Variants in MET observed in about 807,000 individuals in gnomAD.
MET encodes the protein MET proto-oncogene, receptor tyrosine kinase.
Under a neutral mutation model 133.1 loss-of-function variants are expected in MET, and 48 were observed. That is an observed-to-expected ratio of 0.36 (90% CI 0.29 to 0.46). MET has a LOEUF of 0.46. Among genes scored for constraint, MET ranks in the 20% least tolerant of loss-of-function variants. The probability of loss-of-function intolerance (pLI) is 1.00; values close to 1 mark genes in which losing one functional copy is unlikely to be tolerated. For missense variants in MET, 1,442 were observed against 1,695.9 expected (o/e 0.85, Z 2.63); for synonymous variants, 628 against 616.5 (o/e 1.02, Z -0.28).
Position 116,699,297 on chromosome 7 carries a change from T to C in MET, c.213T>C (p.Tyr71=), listed in dbSNP as rs201945798. 2 of 1,614,084 alleles carry C rather than the reference T, an allele frequency of 1.2e-6. No homozygotes were observed. The highest frequency in any genetic ancestry group is 2.2e-5 in the East Asian group (1 of 44,882). Residue 71 remains tyrosine (Y), a synonymous_variant, in exon 2 of 21, where the codon TAT becomes TAC. Coordinates refer to ENST00000397752, the MANE Select transcript of MET (RefSeq NM_000245.4). ...TCCTTGGTGCCACTAACTACATTTA[T>C]GTTTTAAATGAGGAAGACCTTCAGA... is the stretch of plus-strand genomic sequence containing the variant. ...HIFLGATNYI[Y]VLNEEDLQKV...
At chr7:116,751,337 C>T (rs879123272) in intron 5 of MET, among the ~76,000 whole-genome samples, 1 of 152,130 alleles carries the variant, frequency 6.6e-6, no homozygotes, top group Non-Finnish European at 1.5e-5. Flanking sequence ...AAACCAGACA[C>T]TGCATGTTCT....
At chr7:116,738,348 G>A (rs1288576355) in intron 3 of MET, among the ~76,000 whole-genome samples, 1 of 152,126 alleles carries the variant, frequency 6.6e-6, no homozygotes, top group Non-Finnish European at 1.5e-5. Context: ...TGTAATAGAA[G>A]CTTTAGAAGT....
intron 1 of MET, among the ~76,000 whole-genome samples, chr7:116,677,115 A>G (rs1428785637): frequency 6.6e-6 from 1 of 151,498 alleles, no homozygotes; most frequent in Non-Finnish European, 1.5e-5. Flanking sequence ...TATTTTCCAC[A>G]CTGTGAGCCT....
At position 116,694,759 on chromosome 7, in the gene MET, T is replaced by C. The variant is rs376834205; in HGVS notation, c.-14-4312T>C. 1.8e-4 allele frequency among the ~76,000 whole-genome samples: 28 copies of C among 152,318 alleles called. No homozygotes were observed. The South Asian group carries it at 5.4e-3, about 29-fold the overall frequency. On this transcript the variant is annotated intron_variant, in intron 1 of 20. Transcript: ENST00000397752. ...TGGAGTGCAGTGGCGCAATCTCAAC[T>C]CACTGCAACCTCCAATTCCCTGGTT...
Position 116,762,991 on chromosome 7 carries a change from T to C in MET, c.2365-59T>C, listed in dbSNP as rs1298094251. 5.8e-6 allele frequency: 8 copies of C among 1,373,872 alleles called. No homozygotes were observed. In the East Asian group the frequency reaches 1.6e-4, roughly 28 times the overall value. 85.1% of individuals were successfully genotyped at this position (1,373,872 alleles called of 1,614,324 possible). A position where few individuals can be genotyped will look rare whatever the true frequency, so the allele number is the denominator to read the frequency against. On this transcript the variant is annotated intron_variant, in intron 10 of 20. Coordinates refer to ENST00000397752, the MANE Select transcript of MET (RefSeq NM_000245.4). The stretch of plus-strand genomic sequence containing the variant: ...TGATTGGGGTGGTAAATTATAAAGT[T>C]GCTATGGATGTTGCCAAGCTGTATT...
intron 1 of MET, among the ~76,000 whole-genome samples, chr7:116,693,719 C>A (rs949885756): frequency 2.6e-5 from 4 of 152,206 alleles, no homozygotes; most frequent in Non-Finnish European, 4.4e-5. Flanking sequence ...CACTACTGGC[C>A]TGAGATCTCA....
In MET at chr7:116,706,535, T is replaced by G. The variant is rs141687946; in HGVS notation, c.1200+6251T>G. 1.8e-3 allele frequency among the ~76,000 whole-genome samples: 273 copies of G among 152,272 alleles called. 2 individuals carry two copies. The highest frequency in any genetic ancestry group is 6.3e-3 in the African/African-American group (260 of 41,574). ...ATATGAACCTCCTTGAGTAATAATG[T>G]ATATTTTTACTCCGAATACTGTTTC... is the stretch of plus-strand genomic sequence containing the variant. On this transcript the variant is annotated intron_variant, in intron 2 of 20. Coordinates refer to ENST00000397752, the MANE Select transcript of MET (RefSeq NM_000245.4).
At chr7:116,726,768 A>G (rs1336169119) in intron 2 of MET, among the ~76,000 whole-genome samples, 2 of 152,210 alleles carry the variant, frequency 1.3e-5, no homozygotes, top group African/African-American at 2.4e-5. Context: ...TATACTAAGG[A>G]GCTTAGACTT....
chr7:116,781,699 C>T (rs1338123803), intron 17 of MET, among the ~76,000 whole-genome samples: 2 of 152,170 alleles, frequency 1.3e-5, no homozygotes, highest in African/African-American at 4.8e-5. Flanking sequence ...TCCTAAGCAG[C>T]TGGGACTATA....
At position 116,769,637 on chromosome 7, in the gene MET, C is replaced by A. The variant is rs370833501; in HGVS notation, c.2584-8C>A. On this transcript the variant is annotated splice_polypyrimidine_tract_variant and splice_region_variant and intron_variant, in intron 11 of 20. Coordinates refer to ENST00000397752, the MANE Select transcript of MET (RefSeq NM_000245.4). Reference sequence around the variant, plus strand: ...GTTAACAACCTTTTTTTTTTTTTTTCCTTTCAGGGAAATGATATTGACCCT... The same window carrying A: ...GTTAACAACCTTTTTTTTTTTTTTTACTTTCAGGGAAATGATATTGACCCT... 3.3e-6 allele frequency: 5 copies of A among 1,532,394 alleles called. No individual in the cohort carries two copies. Among genetic ancestry groups the A allele is most frequent in the East Asian group, 2.4e-5 (1 of 42,424 alleles). The allele number at this position is 1,532,394 out of a possible 1,614,324, so 94.9% of individuals were successfully genotyped here.
At chr7:116,711,398 G>A (rs1401348506) in intron 2 of MET, among the ~76,000 whole-genome samples, 1 of 152,124 alleles carries the variant, frequency 6.6e-6, no homozygotes, top group East Asian at 1.9e-4. Flanking sequence ...TTGCTGGTTT[G>A]GTGACAACTA....
rs2116909486 is a variant in MET at position 116,755,412 on chromosome 7, G to A, written c.1759G>A (p.Asp587Asn). 3 of 1,614,108 alleles carry A rather than the reference G, an allele frequency of 1.9e-6. No individual in the cohort carries two copies. The highest frequency in any genetic ancestry group is 2.2e-5 in the East Asian group (1 of 44,870). The change falls in exon 6 of 21, where the codon GAC becomes AAC. Residue 587 changes from aspartate (D) to asparagine (N), a missense_variant. Coordinates refer to ENST00000397752, the MANE Select transcript of MET (RefSeq NM_000245.4). Reference sequence around the variant, plus strand: ...GACAAGGCTGACCATATGTGGCTGGGACTTTGGATTTCGGAGGAATAATAA... The same window carrying A: ...GACAAGGCTGACCATATGTGGCTGGAACTTTGGATTTCGGAGGAATAATAA... Reference protein sequence around the residue: ...GGTRLTICGWDFGFRRNNKFD... With the variant: ...GGTRLTICGWNFGFRRNNKFD...
intron 6 of MET, 121 bp from the exon 7 acceptor site, chr7:116,757,316 C>A (rs1258181216): frequency 1.3e-6 from 1 of 789,682 alleles, no homozygotes; most frequent in Admixed American, 2.0e-5. Context: ...TATCTTGAAA[C>A]TCTGCTTGCT....
chr7:116,791,610 G>A (rs922563967), intron 19 of MET, among the ~76,000 whole-genome samples: 3 of 151,732 alleles, frequency 2.0e-5, no homozygotes, highest in South Asian at 2.1e-4. Flanking sequence ...TGAATTGTTC[G>A]AGTTCTCTGT....
chr7:116,724,641 C>T (rs530589866), intron 2 of MET: 2 of 438,826 alleles, frequency 4.6e-6, no homozygotes, highest in Non-Finnish European at 9.1e-6. Context: ...TTTGTTCTGA[C>T]AGCAGACTGA....
chr7:116,712,393 G>C (rs1259779984), intron 2 of MET, among the ~76,000 whole-genome samples: 1 of 152,110 alleles, frequency 6.6e-6, no homozygotes, highest in African/African-American at 2.4e-5. Context: ...CAGTTCCATC[G>C]TTAGCCCCCT....
In MET at chr7:116,798,131, G is replaced by A. The variant is rs557851750; in HGVS notation, c.*2007G>A. On this transcript the variant is annotated 3_prime_UTR_variant, in exon 21 of 21. Transcript: ENST00000397752. ...ATGAACGCATCAATAGAAAGAACTCGGGGAAACATCCCATCAACAGGACTA... is the reference window on the plus strand; with the variant it reads ...ATGAACGCATCAATAGAAAGAACTCAGGGAAACATCCCATCAACAGGACTA... 3.2e-5 allele frequency: 7 copies of A among 219,402 alleles called. No homozygotes were observed. The highest frequency in any genetic ancestry group is 1.2e-4 in the Admixed American group (2 of 17,280). The allele number at this position is 219,402 out of a possible 1,614,324, so 13.6% of individuals were successfully genotyped here.
intron 19 of MET, among the ~76,000 whole-genome samples, chr7:116,787,508 G>A (rs1429915038): frequency 6.6e-6 from 1 of 152,200 alleles, no homozygotes; most frequent in Non-Finnish European, 1.5e-5. Context: ...TAACATGGTG[G>A]AAGGCATCAC....
At chr7:116,748,680 A>G (rs1418680525) in intron 5 of MET, among the ~76,000 whole-genome samples, 2 of 152,188 alleles carry the variant, frequency 1.3e-5, no homozygotes, top group Non-Finnish European at 2.9e-5. Flanking sequence ...GGTTTTTTGA[A>G]AAGATCAACA....
Sources: allele counts gnomAD v4.1 joint callset (sites outside exome capture counted in the v4.1 genomes callset), GRCh38; gene constraint gnomAD v4.1.1; transcripts MANE v1.5; gene names NCBI Gene and HGNC (gene_info 2026-07-23, HGNC 2026-07-21).